SLAIN2: variants seen among roughly 807,000 people sequenced by gnomAD.
SLAIN2 encodes the protein SLAIN motif-containing protein 2.
In SLAIN2, 31 loss-of-function variants were observed where a neutral mutation model predicts 56.6. The observed-to-expected ratio is 0.55, with a 90% CI of 0.41 to 0.74. The LOEUF is 0.74. Ranked by LOEUF, SLAIN2 falls within the 30% of genes least tolerant of loss-of-function variation. The pLI, the probability that SLAIN2 is intolerant of heterozygous loss-of-function variation, is 0.00. For missense variants in SLAIN2, 777 were observed against 754.2 expected (o/e 1.03, Z -0.35); for synonymous variants, 317 against 284.9 (o/e 1.11, Z -1.13).
rs540467764 is a variant in SLAIN2 at position 48,416,609 on chromosome 4, C to T, written c.1361-3516C>T. On this transcript the variant is annotated intron_variant, in intron 6 of 7. Coordinates refer to ENST00000264313, the MANE Select transcript of SLAIN2 (RefSeq NM_020846.2). ...CTTCCAACACTATGTTGAATAGGAG[C>T]GGTGAGAGAGGGCATCCCTGTCTTG... 3.7e-3 allele frequency among the ~76,000 whole-genome samples: 554 copies of T among 151,616 alleles called. 3 individuals carry two copies. Among genetic ancestry groups the T allele is most frequent in the African/African-American group, 0.011 (438 of 41,314 alleles).
intron 1 of SLAIN2, among the ~76,000 whole-genome samples, chr4:48,358,406 G>A (rs974577573): frequency 1.3e-5 from 2 of 148,450 alleles, no homozygotes; most frequent in African/African-American, 5.0e-5. Context: ...CACAACCTCC[G>A]CCTCCCAGGT....
chr4:48,422,041 C>A lies in SLAIN2; in HGVS notation c.1710C>A (p.Ser570Arg). The A allele has an allele frequency of 6.2e-7, 1 of 1,610,558 alleles. No individual in the cohort carries two copies. The highest frequency in any genetic ancestry group is 8.5e-7 in the Non-Finnish European group (1 of 1,178,510). ...RSLPAPKTYG[S>R]MKDDSWKDGC... is the part of the protein sequence containing the mutation. Reference sequence around the variant, plus strand: ...TGCCAGCTCCTAAAACCTATGGTAGCATGAAAGATGACAGTTGGAAAGATG... The same window carrying A: ...TGCCAGCTCCTAAAACCTATGGTAGAATGAAAGATGACAGTTGGAAAGATG... The change falls in exon 8 of 8, where the codon AGC (serine) becomes AGA (arginine). Residue 570 changes from serine to arginine, a missense_variant. Transcript: ENST00000264313.
intron 1 of SLAIN2, among the ~76,000 whole-genome samples, chr4:48,354,725 G>A (rs403495): frequency 0.6 from 90,680 of 151,852 alleles, 27,430 homozygotes; most frequent in South Asian, 0.71. Context: ...CGGCCTCCCA[G>A]AGTGCTGGGA....
intron 6 of SLAIN2, among the ~76,000 whole-genome samples, chr4:48,394,830 T>A (rs941607002): frequency 1.3e-5 from 2 of 152,228 alleles, no homozygotes; most frequent in Non-Finnish European, 2.9e-5. Context: ...AAACATTTTC[T>A]ACAGAGGTAT....
At chr4:48,365,297 C>T (rs373243768) in intron 1 of SLAIN2, among the ~76,000 whole-genome samples, 2 of 151,428 alleles carry the variant, frequency 1.3e-5, no homozygotes, top group Admixed American at 6.6e-5. Context: ...GGTGAAACTC[C>T]GTCTCTACTA....
intron 6 of SLAIN2, among the ~76,000 whole-genome samples, chr4:48,406,209 G>A (rs1716690333): frequency 6.6e-6 from 1 of 152,130 alleles, no homozygotes. Context: ...CAAAATCTGT[G>A]TGTTTAGCTA....
chr4:48,381,196 G>A (rs1485812264), intron 4 of SLAIN2, among the ~76,000 whole-genome samples: 3 of 152,072 alleles, frequency 2.0e-5, no homozygotes, highest in Non-Finnish European at 2.9e-5. Context: ...AGCTCAACCA[G>A]CTCTTTGCTT....
At chr4:48,374,588 T>C (rs1362402477) in intron 2 of SLAIN2, among the ~76,000 whole-genome samples, 1 of 152,132 alleles carries the variant, frequency 6.6e-6, no homozygotes, top group African/African-American at 2.4e-5. Flanking sequence ...ATCGAAGGGT[T>C]TTCTGCAAGG....
chr4:48,377,612 TC>T (rs1185974566), intron 2 of SLAIN2, among the ~76,000 whole-genome samples: 1 of 152,156 alleles, frequency 6.6e-6, no homozygotes, highest in Non-Finnish European at 1.5e-5. Context: ...GAATAAACTT[TC>T]CAACATAGTA....
intron 6 of SLAIN2, among the ~76,000 whole-genome samples, chr4:48,386,427 C>T (rs1716102161): frequency 6.6e-6 from 1 of 152,146 alleles, no homozygotes; most frequent in African/African-American, 2.4e-5. Flanking sequence ...AGTCCAAATT[C>T]ACCTAGTGAG....
At chr4:48,364,279 G>C (rs1360224896) in intron 1 of SLAIN2, among the ~76,000 whole-genome samples, 1 of 99,968 alleles carries the variant, frequency 1.0e-5, no homozygotes, top group Non-Finnish European at 2.2e-5. Context: ...CAGACGATGG[G>C]CGGCGGGGCA....
chr4:48,377,677 T>G (rs1715857804), intron 2 of SLAIN2, among the ~76,000 whole-genome samples: 1 of 152,160 alleles, frequency 6.6e-6, no homozygotes, highest in Admixed American at 6.5e-5. Context: ...CCTGCATTAT[T>G]TTTGTTGTTT....
intron 6 of SLAIN2, among the ~76,000 whole-genome samples, chr4:48,419,041 T>C (rs1479442455): frequency 3.3e-5 from 5 of 152,218 alleles, no homozygotes; most frequent in African/African-American, 1.2e-4. Flanking sequence ...TTTGAGCTTT[T>C]TTCAGTCTTT....
chr4:48,369,754 C>T (rs1294224626), intron 1 of SLAIN2, 95 bp from the exon 2 acceptor site: 10 of 1,101,250 alleles, frequency 9.1e-6, no homozygotes, highest in Non-Finnish European at 1.3e-5. Flanking sequence ...ACTTTTACTC[C>T]CTTCTCCCCT....
chr4:48,365,562 T>C (rs1715492438), intron 1 of SLAIN2, among the ~76,000 whole-genome samples: 1 of 152,052 alleles, frequency 6.6e-6, no homozygotes, highest in Non-Finnish European at 1.5e-5. Context: ...TATTTATTTA[T>C]TTATTTTTAT....
chr4:48,408,669 A>T (rs1334532026), intron 6 of SLAIN2, among the ~76,000 whole-genome samples: 1 of 152,114 alleles, frequency 6.6e-6, no homozygotes, highest in African/African-American at 2.4e-5. Context: ...ATGTGTTATT[A>T]CAAAAGAGTC....
intron 1 of SLAIN2, among the ~76,000 whole-genome samples, chr4:48,354,763 C>T (rs1014273869): frequency 1.3e-5 from 2 of 151,898 alleles, no homozygotes; most frequent in Non-Finnish European, 2.9e-5. Flanking sequence ...TGTGCCCAGC[C>T]TGTTATGGGT....
chr4:48,410,353 T>C (rs1295951266), intron 6 of SLAIN2, among the ~76,000 whole-genome samples: 1 of 152,016 alleles, frequency 6.6e-6, no homozygotes, highest in Non-Finnish European at 1.5e-5. Flanking sequence ...AGATCCATGA[T>C]TTGTAAATAT....
At chr4:48,407,698 C>CATAA (rs1177193803) in intron 6 of SLAIN2, among the ~76,000 whole-genome samples, 1 of 151,198 alleles carries the variant, frequency 6.6e-6, no homozygotes, top group African/African-American at 2.4e-5. Context: ...TTCCTTTATT[C>CATAA]CCTCACTCCA....
Sources: allele counts gnomAD v4.1 joint callset (sites outside exome capture counted in the v4.1 genomes callset), GRCh38; gene constraint gnomAD v4.1.1; transcripts MANE v1.5; gene names NCBI Gene and HGNC (gene_info 2026-07-23, HGNC 2026-07-21).